The following NECTIN1 variants were observed in gnomAD, a reference collection of about 807,000 sequenced individuals.
NECTIN1 encodes nectin cell adhesion molecule 1.
A neutral mutation model predicts 48.0 loss-of-function variants in NECTIN1; 23 were observed. That is an observed-to-expected ratio of 0.48 (90% confidence interval 0.34 to 0.68). The LOEUF is 0.68. Among genes scored for constraint, NECTIN1 ranks in the 30% least tolerant of loss-of-function variants. The pLI is 0.01. For missense variants in NECTIN1, 591 were observed against 709.9 expected, an observed-to-expected ratio of 0.83 and a Z score of 1.90; for synonymous variants, 270 against 288.9, an observed-to-expected ratio of 0.93 and a Z score of 0.66.
chr11:119,669,064 G>A (rs1379968667), intron 5 of NECTIN1, among the ~76,000 whole-genome samples: 2 of 152,158 alleles, frequency 1.3e-5, no homozygotes, highest in East Asian at 1.9e-4. Flanking sequence ...TAGAGTGTAC[G>A]GTCTTATCTG....
chr11:119,693,737 C>T (rs541443413), intron 1 of NECTIN1, among the ~76,000 whole-genome samples: 14 of 152,290 alleles, frequency 9.2e-5, no homozygotes, highest in South Asian at 2.1e-4. Flanking sequence ...ACGGTGAAGC[C>T]GGGCTTCCCC....
intron 1 of NECTIN1, among the ~76,000 whole-genome samples, chr11:119,698,742 G>A (rs896192801): frequency 5.3e-5 from 8 of 152,176 alleles, no homozygotes; most frequent in East Asian, 1.9e-4. Flanking sequence ...GTAAAATAAC[G>A]TATGTACATG....
At chr11:119,682,353 G>T (rs923450043) in intron 1 of NECTIN1, among the ~76,000 whole-genome samples, 15 of 152,146 alleles carry the variant, frequency 9.9e-5, no homozygotes, top group African/African-American at 2.4e-5. Context: ...CCAGGGACAG[G>T]CAGCAGAAAC....
chr11:119,691,136 T>C (rs1865245241), intron 1 of NECTIN1, among the ~76,000 whole-genome samples: 1 of 151,362 alleles, frequency 6.6e-6, no homozygotes, highest in Non-Finnish European at 1.5e-5. Flanking sequence ...ACCCCAAGAG[T>C]AGCCCCCGCC....
chr11:119,683,958 C>A lies in NECTIN1; in HGVS notation c.80-5193G>T, dbSNP rs1865108896. 3.9e-5 allele frequency among the ~76,000 whole-genome samples: 6 copies of A among 152,248 alleles called. No homozygotes were observed. The South Asian group carries it at 1.2e-3, about 32-fold the overall frequency. On this transcript the variant is annotated intron_variant, in intron 1 of 5. Coordinates refer to ENST00000264025, the MANE Select transcript of NECTIN1 (RefSeq NM_002855.5). The surrounding 1 kb of genome is among the most constrained non-coding windows in gnomAD (Gnocchi z 4.0). ...GGCCCCCTGAGACGTCACAGACCTG[C>A]AAACGCCTGAGCTCAGCAACAAAAC...
At chr11:119,703,716 TGCCTC>T (rs1294465467) in intron 1 of NECTIN1, among the ~76,000 whole-genome samples, 2 of 152,250 alleles carry the variant, frequency 1.3e-5, no homozygotes, top group Non-Finnish European at 2.9e-5. Context: ...ACCTCCTGTC[TGCCTC>T]GTACCCTGAA....
chr11:119,654,463 C>G (rs1390164214), intron 5 of NECTIN1, among the ~76,000 whole-genome samples: 2 of 152,210 alleles, frequency 1.3e-5, no homozygotes, highest in Non-Finnish European at 2.9e-5. Flanking sequence ...CCCTCCACCC[C>G]CATTCCCTGC....
chr11:119,646,972 G>A (rs1864403508), intron 5 of NECTIN1, among the ~76,000 whole-genome samples: 1 of 152,146 alleles, frequency 6.6e-6, no homozygotes. Flanking sequence ...GCAGGGACAT[G>A]CCTGCTCCTG....
Position 119,673,251 on chromosome 11 carries a change from TG to T in NECTIN1, c.1003+1907del, listed in dbSNP as rs1864889639. On this transcript the variant is annotated intron_variant, in intron 5 of 5. Transcript: ENST00000264025. The surrounding 1 kb of genome is among the most constrained non-coding windows in gnomAD (Gnocchi z 5.8). Reference sequence around the variant, plus strand: ...CCTGAGAAGGCTCAGGCCAACTCCCTGAGTCCTCTGGAGGGGGCTGAGAGTC... The same window carrying T: ...CCTGAGAAGGCTCAGGCCAACTCCCTAGTCCTCTGGAGGGGGCTGAGAGTC... Among the ~76,000 whole-genome samples, 1 of 152,094 alleles carries T rather than the reference TG, an allele frequency of 6.6e-6. No homozygotes were observed. Among genetic ancestry groups the T allele is most frequent in the Admixed American group, 6.5e-5 (1 of 15,278 alleles).
chr11:119,664,530 A>G lies in NECTIN1; in HGVS notation c.*217T>C, dbSNP rs1864726627. The G allele has an allele frequency of 7.0e-7, 1 of 1,421,120 alleles. No individual in the cohort carries two copies. Among genetic ancestry groups the G allele is most frequent in the Non-Finnish European group, 9.2e-7 (1 of 1,091,560 alleles). 88.0% of individuals were successfully genotyped at this position (1,421,120 alleles called of 1,614,324 possible). A position where few individuals can be genotyped will look rare whatever the true frequency, so the allele number is the denominator to read the frequency against. ...AACACTAAAGCCACAGTCGAACACAACACCATGGGGAAGGGCGGAGGAGAG... is the reference window on the plus strand; with the variant it reads ...AACACTAAAGCCACAGTCGAACACAGCACCATGGGGAAGGGCGGAGGAGAG... On this transcript the variant is annotated 3_prime_UTR_variant, in exon 6 of 6. Transcript: ENST00000264025.
rs374643713 is a variant in NECTIN1 at position 119,664,830 on chromosome 11, C to A, written c.1471G>T (p.Asp491Tyr). 6.2e-7 allele frequency: 1 copy of A among 1,613,912 alleles called. No individual in the cohort carries two copies. Among genetic ancestry groups the A allele is most frequent in the East Asian group, 2.2e-5 (1 of 44,878 alleles). ...YGDRTLGYQYDPEQLDLAENM... is the reference protein window; with the variant it reads ...YGDRTLGYQYYPEQLDLAENM... ...TCAGCCAAGTCCAGCTGCTCAGGGT[C>A]GTACTGGTAGCCCAGAGTCCGGTCC... The change falls in exon 6 of 6, where the codon GAC becomes TAC. Residue 491 changes from aspartate to tyrosine, a missense_variant. Physicochemically the swap from Asp to Tyr is radical, Grantham distance 160. Transcript: ENST00000264025.
chr11:119,674,266 C>T, intron 5 of NECTIN1: 1 of 1,125,238 alleles, frequency 8.9e-7, no homozygotes, highest in Non-Finnish European at 1.1e-6. Context: ...CCCTGTCACC[C>T]TGCAGATAGC....
intron 1 of NECTIN1, among the ~76,000 whole-genome samples, chr11:119,689,667 CG>C (rs1300913584): frequency 6.6e-6 from 1 of 152,226 alleles, no homozygotes; most frequent in African/African-American, 2.4e-5. Flanking sequence ...GAGCTCCGTG[CG>C]CACTGCCAGA....
intron 1 of NECTIN1, among the ~76,000 whole-genome samples, chr11:119,712,528 C>T (rs890297771): frequency 2.0e-5 from 3 of 152,112 alleles, no homozygotes; most frequent in Non-Finnish European, 2.9e-5. Flanking sequence ...GGGAGAGGGA[C>T]CCCTCATTCT....
In NECTIN1 at chr11:119,728,580, G is replaced by A. The variant is rs756552126; in HGVS notation, c.-27C>T. ...GGGGGCCGGGGGTCCGGCGAGAGGG[G>A]CGGCGAGGGCAGCGCTCCTCGCGCA... On this transcript the variant is annotated 5_prime_UTR_variant, in exon 1 of 6. Coordinates refer to ENST00000264025, the MANE Select transcript of NECTIN1 (RefSeq NM_002855.5). 24 of 1,517,160 alleles carry A rather than the reference G, an allele frequency of 1.6e-5. 1 individual carries two copies. The highest frequency in any genetic ancestry group is 9.0e-6 in the Non-Finnish European group (10 of 1,116,560). 94.0% of individuals were successfully genotyped at this position (1,517,160 alleles called of 1,614,324 possible). A position where few individuals can be genotyped will look rare whatever the true frequency, so the allele number is the denominator to read the frequency against.
intron 4 of NECTIN1, 138 bp downstream of exon 4, chr11:119,676,964 A>C: frequency 1.3e-6 from 1 of 742,358 alleles, no homozygotes; most frequent in Non-Finnish European, 2.4e-6. Flanking sequence ...TTGTTCTCTC[A>C]TGGCCCCGCT....
chr11:119,644,757 C>T (rs1012760102), intron 5 of NECTIN1, among the ~76,000 whole-genome samples: 4 of 151,966 alleles, frequency 2.6e-5, no homozygotes, highest in South Asian at 2.1e-4. Context: ...GGAGGGCTAC[C>T]GGGGCACGTG....
chr11:119,723,216 CAAAAAAAAAAAA>C (rs34528775), intron 1 of NECTIN1, among the ~76,000 whole-genome samples: 2 of 59,236 alleles, frequency 3.4e-5, no homozygotes, highest in Non-Finnish European at 6.3e-5. Context: ...GACTCTGTCT[CAAAAAAAAAAAA>C]AAAAAAAAAA....
In NECTIN1 at chr11:119,728,711, G is replaced by GGGTGGCA; in HGVS notation, c.-159_-158insTGCCACC. ...GGCCGGGGCGGGGTGGGCTGGGTGG[G>GGGTGGCA]ATCCGCGCGGCCGCAGTCCGGGCCC... On this transcript the variant is annotated 5_prime_UTR_variant, in exon 1 of 6. Coordinates refer to ENST00000264025, the MANE Select transcript of NECTIN1 (RefSeq NM_002855.5). 5.1e-6 allele frequency: 1 copy of GGGTGGCA among 197,172 alleles called. No homozygotes were observed. 12.2% of individuals were successfully genotyped at this position (197,172 alleles called of 1,614,324 possible).
Sources: allele counts gnomAD v4.1 joint callset (sites outside exome capture counted in the v4.1 genomes callset), GRCh38; gene constraint gnomAD v4.1.1; non-coding constraint Gnocchi (gnomAD v3.1); transcripts MANE v1.5; gene names NCBI Gene and HGNC (gene_info 2026-07-23, HGNC 2026-07-21).